The following ZNF804B variants were observed in gnomAD, a reference collection of about 807,000 sequenced individuals.
ZNF804B encodes the protein zinc finger protein 804B, also known as zinc finger 804B.
Under a neutral mutation model 101.4 loss-of-function variants are expected in ZNF804B, and 80 were observed. That is an observed-to-expected ratio of 0.79 (90% CI 0.66 to 0.95). The LOEUF is 0.95. Among genes scored for constraint, ZNF804B ranks in the 40% least tolerant of loss-of-function variants. ZNF804B has a pLI of 0.00. For missense variants in ZNF804B, 1,673 were observed against 1,561.9 expected (o/e 1.07, Z -1.20); for synonymous variants, 622 against 558.8 (o/e 1.11, Z -1.59).
At chr7:88,860,725 G>A (rs548355845) in intron 1 of ZNF804B, among the ~76,000 whole-genome samples, 2 of 152,054 alleles carry the variant, frequency 1.3e-5, no homozygotes, top group Non-Finnish European at 2.9e-5. Flanking sequence ...AAATAGACAC[G>A]AATACAAGAA....
intron 1 of ZNF804B, among the ~76,000 whole-genome samples, chr7:89,045,572 A>C (rs1369292844): frequency 6.6e-6 from 1 of 152,220 alleles, no homozygotes. Flanking sequence ...CACTTGCATC[A>C]GCATGACTTG....
intron 1 of ZNF804B, among the ~76,000 whole-genome samples, chr7:88,769,108 C>G (rs557669337): frequency 6.6e-6 from 1 of 152,140 alleles, no homozygotes; most frequent in Non-Finnish European, 1.5e-5. Context: ...TGGGGGAAAA[C>G]TTCCAACAAG....
intron 2 of ZNF804B, among the ~76,000 whole-genome samples, chr7:89,225,042 A>G (rs1180446402): frequency 6.6e-6 from 1 of 152,042 alleles, no homozygotes; most frequent in African/African-American, 2.4e-5. Flanking sequence ...CTCTGTCTGG[A>G]AAATTCTTCT....
chr7:89,190,491 A>C (rs1009038455), intron 1 of ZNF804B, among the ~76,000 whole-genome samples: 1 of 152,114 alleles, frequency 6.6e-6, no homozygotes, highest in African/African-American at 2.4e-5. Context: ...AAATGAATCT[A>C]CTTCTGGTGA....
intron 2 of ZNF804B, among the ~76,000 whole-genome samples, chr7:89,324,644 T>G: frequency 6.9e-6 from 1 of 144,878 alleles, no homozygotes; most frequent in Non-Finnish European, 1.5e-5. Context: ...TTGCACTGAG[T>G]ACATTTAATG....
At chr7:89,087,350 G>T (rs10229120) in intron 1 of ZNF804B, among the ~76,000 whole-genome samples, 44,996 of 151,522 alleles carry the variant, frequency 0.3, 7,032 homozygotes, top group East Asian at 0.52. Flanking sequence ...AAAAAAAAGG[G>T]TCCAAATGTT....
chr7:88,924,737 G>C (rs933887085), intron 1 of ZNF804B, among the ~76,000 whole-genome samples: 2 of 152,066 alleles, frequency 1.3e-5, no homozygotes, highest in Non-Finnish European at 2.9e-5. Flanking sequence ...ACTCATAGAA[G>C]TAGTATTTCT....
chr7:89,146,858 C>G, intron 1 of ZNF804B, among the ~76,000 whole-genome samples: 1 of 147,414 alleles, frequency 6.8e-6, no homozygotes, highest in East Asian at 1.9e-4. Context: ...AAAACCCTGT[C>G]TCTACAAAAA....
chr7:89,186,255 C>T (rs2115598746), intron 1 of ZNF804B, among the ~76,000 whole-genome samples: 1 of 152,086 alleles, frequency 6.6e-6, no homozygotes, highest in Middle Eastern at 3.4e-3. Flanking sequence ...AAATATTATA[C>T]ACAGTATAGC....
At chr7:89,192,151 C>T (rs10085868) in intron 1 of ZNF804B, among the ~76,000 whole-genome samples, 70,925 of 151,808 alleles carry the variant, frequency 0.47, 17,433 homozygotes, top group African/African-American at 0.63. Context: ...ATTTAAAGTG[C>T]ACAGTTTAAC....
intron 1 of ZNF804B, among the ~76,000 whole-genome samples, chr7:89,170,832 A>G (rs1429534743): frequency 6.6e-5 from 10 of 152,192 alleles, no homozygotes; most frequent in Non-Finnish European, 1.3e-4. Flanking sequence ...GGCTTTCCCA[A>G]GTTATCTCTG....
intron 1 of ZNF804B, among the ~76,000 whole-genome samples, chr7:88,924,575 T>C (rs1449866403): frequency 6.6e-6 from 1 of 152,274 alleles, no homozygotes; most frequent in East Asian, 1.9e-4. Flanking sequence ...GCTACTCTGA[T>C]TTCCTGACTT....
chr7:89,298,214 G>GTATATATATATATA (rs1187893918), intron 2 of ZNF804B, among the ~76,000 whole-genome samples: 3 of 58,712 alleles, frequency 5.1e-5, no homozygotes, highest in African/African-American at 1.4e-4. Context: ...GTGTGTGTGT[G>GTATATATATATATA]TGTATATATA....
intron 1 of ZNF804B, among the ~76,000 whole-genome samples, chr7:89,015,736 T>G (rs1170688101): frequency 2.0e-5 from 3 of 152,200 alleles, no homozygotes; most frequent in Non-Finnish European, 4.4e-5. Context: ...CAGTCTATCA[T>G]TGTTGGACAT....
intron 1 of ZNF804B, among the ~76,000 whole-genome samples, chr7:88,980,886 G>T (rs1793684152): frequency 6.6e-6 from 1 of 152,000 alleles, no homozygotes; most frequent in African/African-American, 2.4e-5. Flanking sequence ...CCAGCCTATT[G>T]TCCTTCCCTT....
chr7:89,280,470 G>A (rs2115867485), intron 2 of ZNF804B, among the ~76,000 whole-genome samples: 1 of 152,174 alleles, frequency 6.6e-6, no homozygotes, highest in South Asian at 2.1e-4. Context: ...GAATCCAGGA[G>A]CTGGTTTTTT....
chr7:89,244,089 C>T (rs1336170058), intron 2 of ZNF804B, among the ~76,000 whole-genome samples: 1 of 151,900 alleles, frequency 6.6e-6, no homozygotes, highest in South Asian at 2.1e-4. Context: ...GGAGAAAAAT[C>T]AGAACTGACA....
chr7:88,915,362 A>G (rs190677354), intron 1 of ZNF804B, among the ~76,000 whole-genome samples: 75 of 152,216 alleles, frequency 4.9e-4, no homozygotes, highest in African/African-American at 1.8e-3. Context: ...TATTAAAACT[A>G]TACGGGGTTA....
At chr7:89,201,664 GT>G (rs777928564) in intron 1 of ZNF804B, among the ~76,000 whole-genome samples, 3 of 152,110 alleles carry the variant, frequency 2.0e-5, no homozygotes, top group Non-Finnish European at 2.9e-5. Context: ...ATGGGAGATA[GT>G]AATAATATAC....
Sources: gnomAD v4.1 joint callset for allele counts (sites outside exome capture counted in the v4.1 genomes callset) on GRCh38, gnomAD v4.1.1 for gene constraint, MANE v1.5 for transcripts, NCBI Gene and HGNC (gene_info 2026-07-23, HGNC 2026-07-21) for gene names.